Variants in YY1 observed in about 807,000 individuals in gnomAD.
YY1 encodes the protein YY1 transcription factor, also known as transcriptional repressor protein YY1.
A neutral mutation model predicts 35.6 loss-of-function variants in YY1; 2 were observed. That is an observed-to-expected ratio of 0.06 (90% CI 0.02 to 0.18). YY1 has a LOEUF of 0.18. Ranked by LOEUF, YY1 falls within the 10% of genes least tolerant of loss-of-function variation. The pLI, the probability that YY1 is intolerant of heterozygous loss-of-function variation, is 1.00. For missense variants in YY1, 322 were observed against 573.4 expected (o/e 0.56, Z 4.48); for synonymous variants, 268 against 238.9 (o/e 1.12, Z -1.12).
Position 100,276,256 on chromosome 14 carries a change from C to G in YY1, c.904-234C>G. On this transcript the variant is annotated intron_variant, in intron 3 of 4. Coordinates refer to ENST00000262238, the MANE Select transcript of YY1 (RefSeq NM_003403.5). This position sits in a 1 kb window ranked among gnomAD's most constrained non-coding sequence, Gnocchi z 4.1. Reference sequence around the variant, plus strand: ...TGGGCAAGTCTACTTAAAGACATCTCTAAGCCTCAGTTTCCTCATCTGTAA... The same window carrying G: ...TGGGCAAGTCTACTTAAAGACATCTGTAAGCCTCAGTTTCCTCATCTGTAA... 1 of 554,632 alleles carries G rather than the reference C, an allele frequency of 1.8e-6. No homozygotes were observed. Among genetic ancestry groups the G allele is most frequent in the Non-Finnish European group, 3.1e-6 (1 of 318,872 alleles). The allele number at this position is 554,632 out of a possible 1,614,324, so 34.4% of individuals were successfully genotyped here. A position where few individuals can be genotyped will look rare whatever the true frequency, so the allele number is the denominator to read the frequency against.
At chr14:100,252,673 G>A (rs1287734593) in intron 1 of YY1, among the ~76,000 whole-genome samples, 1 of 152,190 alleles carries the variant, frequency 6.6e-6, no homozygotes, top group African/African-American at 2.4e-5. Context: ...TCTGAGATTT[G>A]GCTTTAATTG....
At position 100,279,690 on chromosome 14, in the gene YY1, T is replaced by C. The variant is rs962210973; in HGVS notation, c.*2090T>C. The C allele has an allele frequency of 6.6e-6, 1 of 152,426 alleles. No individual in the cohort carries two copies. The highest frequency in any genetic ancestry group is 6.5e-5 in the Admixed American group (1 of 15,288). 9.4% of individuals were successfully genotyped at this position (152,426 alleles called of 1,614,324 possible). A position where few individuals can be genotyped will look rare whatever the true frequency, so the allele number is the denominator to read the frequency against. The stretch of plus-strand genomic sequence containing the variant: ...GCGTCTTCTATGGATGCCTGCCTTG[T>C]GAGCACCCACACCTTCCCTCCCCAC... On this transcript the variant is annotated 3_prime_UTR_variant, in exon 5 of 5. Coordinates refer to ENST00000262238, the MANE Select transcript of YY1 (RefSeq NM_003403.5).
rs775439859 is a variant in YY1, at chr14:100,281,060, C to CAAAAAAAAAAAA, written c.*3460_*3461insAAAAAAAAAAAA. ...GGGTGACAGAGCAAGACTCCGTCTC[C>CAAAAAAAAAAAA]CAAAAAAAAAAAAAAAAAAAAAAAA... On this transcript the variant is annotated 3_prime_UTR_variant, in exon 5 of 5. Coordinates refer to ENST00000262238, the MANE Select transcript of YY1 (RefSeq NM_003403.5). 5.0e-4 allele frequency: 24 copies of CAAAAAAAAAAAA among 47,776 alleles called. 8 individuals carry two copies. Among genetic ancestry groups the CAAAAAAAAAAAA allele is most frequent in the African/African-American group, 2.2e-3 (22 of 9,898 alleles). The allele number at this position is 47,776 out of a possible 1,614,324, so 3.0% of individuals were successfully genotyped here. A position where few individuals can be genotyped will look rare whatever the true frequency, so the allele number is the denominator to read the frequency against.
intron 1 of YY1, among the ~76,000 whole-genome samples, chr14:100,240,471 C>T (rs1437242312): frequency 6.6e-6 from 1 of 152,044 alleles, no homozygotes; most frequent in Non-Finnish European, 1.5e-5. Context: ...CCCAACTTCC[C>T]CGGACTCCCA....
intron 1 of YY1, among the ~76,000 whole-genome samples, chr14:100,260,243 A>AT (rs1891062134): frequency 6.7e-6 from 1 of 148,954 alleles, no homozygotes; most frequent in African/African-American, 2.5e-5. Flanking sequence ...CACCTGGCTA[A>AT]TTTTTGTATT....
intron 2 of YY1, among the ~76,000 whole-genome samples, chr14:100,271,013 A>G (rs1298676841): frequency 3.3e-5 from 5 of 152,178 alleles, no homozygotes; most frequent in Admixed American, 2.6e-4. Context: ...TGGGAGGCCA[A>G]GGCAGGCGGA....
intron 2 of YY1, among the ~76,000 whole-genome samples, chr14:100,269,815 T>C (rs74085018): frequency 0.028 from 4,321 of 152,226 alleles, 220 homozygotes; most frequent in African/African-American, 0.1. Flanking sequence ...AAATTAAATA[T>C]ATTTCTAAAT....
At chr14:100,274,457 ACTGTAGGCGG>A (rs1891291580) in intron 2 of YY1, among the ~76,000 whole-genome samples, 1 of 152,226 alleles carries the variant, frequency 6.6e-6, no homozygotes, top group Non-Finnish European at 1.5e-5. Context: ...TAGCTATGAG[ACTGTAGGCGG>A]CAACTCGATG....
intron 1 of YY1, among the ~76,000 whole-genome samples, chr14:100,255,764 G>C (rs1890996642): frequency 6.6e-6 from 1 of 152,180 alleles, no homozygotes; most frequent in African/African-American, 2.4e-5. Context: ...TGCTTTTGCT[G>C]TATGCCACTT....
intron 2 of YY1, among the ~76,000 whole-genome samples, chr14:100,273,476 GT>G (rs1432552730): frequency 3.3e-5 from 5 of 151,860 alleles, no homozygotes; most frequent in African/African-American, 1.2e-4. Context: ...TTTTTTGTTT[GT>G]TTGTTCATTT....
At chr14:100,246,813 GA>G (rs898082741) in intron 1 of YY1, among the ~76,000 whole-genome samples, 2 of 152,166 alleles carry the variant, frequency 1.3e-5, no homozygotes, top group African/African-American at 4.8e-5. Flanking sequence ...CTATAAACAT[GA>G]ATTTCCATGG....
chr14:100,265,158 G>T (rs1011822952), intron 2 of YY1, among the ~76,000 whole-genome samples: 3 of 152,022 alleles, frequency 2.0e-5, no homozygotes, highest in African/African-American at 7.2e-5. Flanking sequence ...TGGGTGGATC[G>T]CCTGAGGTCA....
chr14:100,253,208 G>C (rs1890949755), intron 1 of YY1, among the ~76,000 whole-genome samples: 1 of 152,178 alleles, frequency 6.6e-6, no homozygotes, highest in Non-Finnish European at 1.5e-5. Flanking sequence ...AGCAGATTTA[G>C]ATACTTTGCT....
In YY1 at chr14:100,275,487, G is replaced by A. The variant is rs571362371; in HGVS notation, c.903+729G>A. Among the ~76,000 whole-genome samples, 133 of 152,286 alleles carry A rather than the reference G, an allele frequency of 8.7e-4. 1 individual carries two copies. Among genetic ancestry groups the A allele is most frequent in the Middle Eastern group, 6.8e-3 (2 of 292 alleles). ...TTGAAATGTAAACGTATCTCCATTAGGGCCGAAATAACAAGCATTTGAAAA... is the reference window on the plus strand; with the variant it reads ...TTGAAATGTAAACGTATCTCCATTAAGGCCGAAATAACAAGCATTTGAAAA... On this transcript the variant is annotated intron_variant, in intron 3 of 4. Coordinates refer to ENST00000262238, the MANE Select transcript of YY1 (RefSeq NM_003403.5).
chr14:100,251,053 T>C (rs889982234), intron 1 of YY1, among the ~76,000 whole-genome samples: 8 of 152,090 alleles, frequency 5.3e-5, no homozygotes, highest in African/African-American at 1.9e-4. Flanking sequence ...ATTAACATAT[T>C]GACTAACTGG....
At chr14:100,254,417 T>C (rs1371039967) in intron 1 of YY1, among the ~76,000 whole-genome samples, 1 of 152,188 alleles carries the variant, frequency 6.6e-6, no homozygotes, top group Non-Finnish European at 1.5e-5. Flanking sequence ...TTTTGTCATT[T>C]CTCTAGAAGT....
chr14:100,262,198 C>T (rs934001270), intron 1 of YY1, 106 bp from the exon 2 acceptor site: 1 of 1,208,470 alleles, frequency 8.3e-7, no homozygotes. Context: ...ACAAATTGAG[C>T]TGGTGGCTAT....
chr14:100,248,114 T>TTTTTTTG (rs1890861132), intron 1 of YY1, among the ~76,000 whole-genome samples: 1 of 99,650 alleles, frequency 1.0e-5, no homozygotes, highest in African/African-American at 4.8e-5. Context: ...CCGGCTAATT[T>TTTTTTTG]TTTTTTCTTT....
At chr14:100,265,925 G>C (rs1196212060) in intron 2 of YY1, among the ~76,000 whole-genome samples, 1 of 152,170 alleles carries the variant, frequency 6.6e-6, no homozygotes, top group African/African-American at 2.4e-5. Context: ...GGGATTACAG[G>C]TGTGAGCCAC....
Sources: gnomAD v4.1 joint callset for allele counts (sites outside exome capture counted in the v4.1 genomes callset) on GRCh38, gnomAD v4.1.1 for gene constraint, Gnocchi (gnomAD v3.1) non-coding constraint, MANE v1.5 for transcripts, NCBI Gene and HGNC (gene_info 2026-07-23, HGNC 2026-07-21) for gene names.